CR1: variants seen among roughly 807,000 people sequenced by gnomAD.
CR1 encodes complement receptor type 1.
CR1 carries 116 observed loss-of-function variants against 187.3 expected under a neutral mutation model. The ratio of observed to expected loss-of-function variants is 0.62; its 90% CI spans 0.53 to 0.72. The LOEUF (loss-of-function observed/expected upper bound fraction) is 0.72. CR1 is among the 30% of genes least tolerant of loss of function. The pLI is 0.00. For missense variants in CR1, 1,731 were observed against 2,110.7 expected (o/e 0.82, Z 3.52); for synonymous variants, 576 against 747.1 (o/e 0.77, Z 3.73).
intron 36 of CR1, among the ~76,000 whole-genome samples, chr1:207,608,779 C>T (rs1661824374): frequency 6.6e-6 from 1 of 152,128 alleles, no homozygotes; most frequent in African/African-American, 2.4e-5. Flanking sequence ...TGTGTAGTCA[C>T]TTAGCCAATA....
intron 35 of CR1, among the ~76,000 whole-genome samples, chr1:207,603,221 CAG>C (rs1661655361): frequency 1.3e-5 from 2 of 152,018 alleles, no homozygotes; most frequent in Non-Finnish European, 2.9e-5. Flanking sequence ...ACCCACCTCT[CAG>C]TGTCTGGTAA....
Position 207,505,888 on chromosome 1 carries a change from T to C in CR1, c.122-16T>C, listed in dbSNP as rs367773624. Reference sequence around the variant, plus strand: ...TTCTCCATTAACTTTGATGCTTCTATGGTCTTGATCTCCAGGTCAATGCAA... The same window carrying C: ...TTCTCCATTAACTTTGATGCTTCTACGGTCTTGATCTCCAGGTCAATGCAA... On this transcript the variant is annotated splice_polypyrimidine_tract_variant and intron_variant, in intron 1 of 46. Transcript: ENST00000367049. 33 of 1,601,314 alleles carry C rather than the reference T, an allele frequency of 2.1e-5. No individual in the cohort carries two copies. The African/African-American group carries it at 2.2e-4, about 10-fold the overall frequency.
In CR1 at chr1:207,623,035, T is replaced by G; in HGVS notation, c.7319T>G (p.Phe2440Cys). The G allele has an allele frequency of 6.3e-7, 1 of 1,581,824 alleles. No homozygotes were observed. The highest frequency in any genetic ancestry group is 8.6e-7 in the Non-Finnish European group (1 of 1,161,206). Residue 2440 changes from phenylalanine to cysteine, a missense_variant, in exon 45 of 47, where the codon TTC becomes TGC. Around this residue, in one of 5 missense-constraint regions of CR1, gnomAD observed 1,312 missense variants for 1,379.6 expected, o/e 0.95. Transcript: ENST00000367049. Reference sequence around the variant, plus strand: ...ATCTTCTTTATTTTACTCATCATTTTCCTCTCTTGGATAATTCTAAAGCAC... The same window carrying G: ...ATCTTCTTTATTTTACTCATCATTTGCCTCTCTTGGATAATTCTAAAGCAC... ...GTIFFILLIIFLSWIILKHRK... is the reference protein window; with the variant it reads ...GTIFFILLIICLSWIILKHRK...
In CR1 at chr1:207,621,960, G is replaced by T. The variant is rs753471749; in HGVS notation, c.7253-13G>T. 1.3e-6 allele frequency: 2 copies of T among 1,593,412 alleles called. No homozygotes were observed. Among genetic ancestry groups the T allele is most frequent in the Non-Finnish European group, 1.7e-6 (2 of 1,167,984 alleles). ...GCCAGAGTGATGTTTTGTGACTTTT[G>T]TCTTCCTTTTAGGTACACATGATGC... On this transcript the variant is annotated splice_polypyrimidine_tract_variant and intron_variant, in intron 43 of 46. Transcript: ENST00000367049.
At chr1:207,601,550 C>A (rs927624327) in intron 35 of CR1, among the ~76,000 whole-genome samples, 6 of 152,202 alleles carry the variant, frequency 3.9e-5, no homozygotes, top group Admixed American at 2.0e-4. Context: ...CACAAATGTT[C>A]CAATTTCTCT....
rs370568296 is a variant in CR1 at position 207,581,350 on chromosome 1, A to C, written c.5217-568A>C. Reference sequence around the variant, plus strand: ...CATGTACATGTGTATATGTATACGTATACATGTCCATATGTATACGTATAT... The same window carrying C: ...CATGTACATGTGTATATGTATACGTCTACATGTCCATATGTATACGTATAT... On this transcript the variant is annotated intron_variant, in intron 31 of 46. Transcript: ENST00000367049. 2.9e-4 allele frequency among the ~76,000 whole-genome samples: 39 copies of C among 135,746 alleles called. No homozygotes were observed. The East Asian group carries it at 6.0e-3, about 21-fold the overall frequency. 89.1% of individuals were successfully genotyped at this position (135,746 alleles called of 152,430 possible). A position where few individuals can be genotyped will look rare whatever the true frequency, so the allele number is the denominator to read the frequency against.
At chr1:207,583,118 GC>G (rs1157548701) in intron 32 of CR1, among the ~76,000 whole-genome samples, 6 of 152,164 alleles carry the variant, frequency 3.9e-5, no homozygotes, top group Admixed American at 6.5e-5. Context: ...ATTAAGAGTT[GC>G]AAAGGTGAGA....
At chr1:207,587,060 A>C (rs183114690) in intron 33 of CR1, among the ~76,000 whole-genome samples, 3 of 152,224 alleles carry the variant, frequency 2.0e-5, no homozygotes, top group Non-Finnish European at 4.4e-5. Context: ...GCACAAACAC[A>C]TGAAGATTTG....
intron 42 of CR1, among the ~76,000 whole-genome samples, chr1:207,619,050 A>AAAAAAAAAAAAAAAG (rs1662232795): frequency 7.2e-6 from 1 of 139,058 alleles, no homozygotes; most frequent in Non-Finnish European, 1.5e-5. Context: ...AAAAAAAAAA[A>AAAAAAAAAAAAAAAG]AAAAAGAAAA....
intron 5 of CR1, among the ~76,000 whole-genome samples, chr1:207,525,836 A>C (rs543029586): frequency 7.9e-5 from 12 of 152,178 alleles, no homozygotes; most frequent in Non-Finnish European, 1.2e-4. Context: ...AATGGACATT[A>C]CAGCATCAGA....
At chr1:207,534,458 AG>A in intron 11 of CR1, 162 bp downstream of exon 11, 1 of 95,582 alleles carries the variant, frequency 1.0e-5, no homozygotes, top group East Asian at 1.2e-4. Context: ...GGAGAAGATT[AG>A]GGGGAAAATC....
intron 46 of CR1, among the ~76,000 whole-genome samples, chr1:207,635,497 A>G (rs1288311019): frequency 1.3e-5 from 2 of 152,176 alleles, no homozygotes; most frequent in African/African-American, 4.8e-5. Flanking sequence ...CTCCAGCCCT[A>G]AGGCGGTTTT....
intron 5 of CR1, among the ~76,000 whole-genome samples, chr1:207,525,508 G>A (rs190834919): frequency 8.0e-4 from 122 of 151,942 alleles, no homozygotes; most frequent in Non-Finnish European, 1.4e-3. Flanking sequence ...CATTGGCATC[G>A]TTACAATTGA....
At chr1:207,567,569 C>T (rs191901288) in intron 24 of CR1, among the ~76,000 whole-genome samples, 84 of 150,348 alleles carry the variant, frequency 5.6e-4, no homozygotes, top group African/African-American at 2.0e-3. Context: ...AAATGTTTTG[C>T]TACTTCATTA....
chr1:207,575,202 TAC>T (rs56173301), intron 27 of CR1, among the ~76,000 whole-genome samples: 14,408 of 149,304 alleles, frequency 0.097, 1,442 homozygotes, highest in African/African-American at 0.26. Context: ...CATAGTATTA[TAC>T]ACACACACAC....
chr1:207,629,423 C>T (rs1266463928), intron 45 of CR1, among the ~76,000 whole-genome samples: 1 of 152,044 alleles, frequency 6.6e-6, no homozygotes, highest in Non-Finnish European at 1.5e-5. Flanking sequence ...GAACACTACT[C>T]ATCTTACCAC....
intron 3 of CR1, among the ~76,000 whole-genome samples, chr1:207,508,907 T>A (rs1284787279): frequency 2.0e-5 from 3 of 152,202 alleles, no homozygotes; most frequent in Non-Finnish European, 4.4e-5. Context: ...TCTCTGTCTC[T>A]GCCTATGTAA....
At chr1:207,514,922 A>G (rs116314676) in intron 4 of CR1, among the ~76,000 whole-genome samples, 2,199 of 147,706 alleles carry the variant, frequency 0.015, 67 homozygotes, top group African/African-American at 0.052. Context: ...CGTTCTTGGG[A>G]AGTTTTTTTT....
rs776145589 is a variant in CR1, at chr1:207,616,774, C to T, written c.6861C>T (p.Ala2287=). 3.1e-6 allele frequency: 5 copies of T among 1,613,952 alleles called. No homozygotes were observed. The South Asian group carries it at 5.5e-5, about 18-fold the overall frequency. Residue 2287 remains alanine, a synonymous_variant, in exon 41 of 47, where the codon GCC becomes GCT. Transcript: ENST00000367049. ...GGAATGGGGTTTGGAGCAGCCCTGC[C>T]CCTCGCTGTGAACTTTCTGTTCCTG... ...PQGNGVWSSP[A]PRCELSVPAA... is the part of the protein sequence containing the mutation.
Sources: allele counts gnomAD v4.1 joint callset (sites outside exome capture counted in the v4.1 genomes callset), GRCh38; gene constraint gnomAD v4.1.1; regional missense constraint gnomAD v4.1.1; transcripts MANE v1.5; gene names NCBI Gene and HGNC (gene_info 2026-07-23, HGNC 2026-07-21).